The following MMS22L variants were observed in gnomAD, a reference collection of about 807,000 sequenced individuals.
MMS22L encodes MMS22 like, DNA repair protein.
MMS22L carries 74 observed loss-of-function variants against 159.1 expected under a neutral mutation model. The observed-to-expected ratio is 0.47, with a 90% CI of 0.39 to 0.56. The LOEUF is 0.56. Among genes scored for constraint, MMS22L ranks in the 20% least tolerant of loss-of-function variants. The probability of loss-of-function intolerance (pLI) is 0.00; values close to 1 mark genes in which losing one functional copy is unlikely to be tolerated. For missense variants in MMS22L, 1,351 were observed against 1,422.1 expected (o/e 0.95, Z 0.80); for synonymous variants, 517 against 506.9 (o/e 1.02, Z -0.27).
At chr6:97,192,519 C>G (rs907322990) in intron 14 of MMS22L, among the ~76,000 whole-genome samples, 2 of 152,084 alleles carry the variant, frequency 1.3e-5, no homozygotes, top group Non-Finnish European at 2.9e-5. Context: ...GTAGACAAGG[C>G]AAAATAATAT....
intron 18 of MMS22L, among the ~76,000 whole-genome samples, chr6:97,177,514 G>C (rs1804247106): frequency 1.3e-5 from 2 of 152,124 alleles, no homozygotes; most frequent in South Asian, 2.1e-4. Context: ...ATTTGGGCTA[G>C]ATGAAAACTA....
intron 9 of MMS22L, chr6:97,258,953 G>A (rs1389554877): frequency 2.2e-4 from 33 of 152,052 alleles, no homozygotes. Context: ...TTTAATTTTA[G>A]GGCATGTGGA....
intron 3 of MMS22L, among the ~76,000 whole-genome samples, chr6:97,280,202 G>C (rs940371395): frequency 6.6e-6 from 1 of 152,126 alleles, no homozygotes; most frequent in Non-Finnish European, 1.5e-5. Context: ...TCCTTTAAAT[G>C]TATCACATAT....
At position 97,229,295 on chromosome 6, in the gene MMS22L, A is replaced by G; in HGVS notation, c.1638T>C (p.Asp546=). 1 of 1,614,166 alleles carries G rather than the reference A, an allele frequency of 6.2e-7. No homozygotes were observed. Among genetic ancestry groups the G allele is most frequent in the Non-Finnish European group, 8.5e-7 (1 of 1,180,008 alleles). ...GGAGGTCTAAAACATGACTTGCAAC[A>G]TCTTCTACCTCTGCAACAGCTGCTA... ...LLLAAVAEVE[D]VASHVLDLLN... Residue 546 remains aspartate (D), a synonymous_variant, in exon 14 of 25, where the codon GAT becomes GAC. Coordinates refer to ENST00000683635, the MANE Select transcript of MMS22L (RefSeq NM_001350599.2).
At chr6:97,230,757 TA>T (rs1810770641) in intron 13 of MMS22L, 1 of 152,174 alleles carries the variant, frequency 6.6e-6, no homozygotes, top group African/African-American at 2.4e-5. Context: ...AGCTGGCATT[TA>T]AAACAGTATA....
At position 97,252,966 on chromosome 6, in the gene MMS22L, T is replaced by C. The variant is rs74801392; in HGVS notation, c.1119+1591A>G. Among the ~76,000 whole-genome samples the C allele has an allele frequency of 3.9e-5, 6 of 152,192 alleles. No individual in the cohort carries two copies. The East Asian group carries it at 5.8e-4, about 15-fold the overall frequency. On this transcript the variant is annotated intron_variant, in intron 10 of 24. Coordinates refer to ENST00000683635, the MANE Select transcript of MMS22L (RefSeq NM_001350599.2). Reference sequence around the variant, plus strand: ...AATAAAAGCACTACTATAGTAATAATGGCAATTGCTAAAATTTATTATTTA... The same window carrying C: ...AATAAAAGCACTACTATAGTAATAACGGCAATTGCTAAAATTTATTATTTA...
At position 97,146,672 on chromosome 6, in the gene MMS22L, G is replaced by A. The variant is rs957692197; in HGVS notation, c.*134C>T. On this transcript the variant is annotated 3_prime_UTR_variant, in exon 25 of 25. Coordinates refer to ENST00000683635, the MANE Select transcript of MMS22L (RefSeq NM_001350599.2). ...CTTATTTATACATTTTTTACTTACA[G>A]ATATAAAAGGAAAAAAAATCCTAGA... 1.5e-5 allele frequency: 8 copies of A among 528,676 alleles called. No homozygotes were observed. In the Admixed American group the frequency reaches 3.2e-4, roughly 21 times the overall value. 32.7% of individuals were successfully genotyped at this position (528,676 alleles called of 1,614,324 possible).
chr6:97,167,032 C>T (rs185117881), intron 20 of MMS22L, among the ~76,000 whole-genome samples: 3 of 152,242 alleles, frequency 2.0e-5, no homozygotes, highest in Admixed American at 1.3e-4. Flanking sequence ...AATCCATTTT[C>T]CCTTTCCTCC....
At chr6:97,153,135 C>G (rs541822959) in intron 22 of MMS22L, among the ~76,000 whole-genome samples, 5 of 151,970 alleles carry the variant, frequency 3.3e-5, no homozygotes, top group Non-Finnish European at 5.9e-5. Context: ...AGCCACCACA[C>G]CTGGCCTTTT....
At chr6:97,219,136 C>A (rs964888998) in intron 14 of MMS22L, among the ~76,000 whole-genome samples, 1 of 152,110 alleles carries the variant, frequency 6.6e-6, no homozygotes, top group African/African-American at 2.4e-5. Context: ...GTGGGGATTA[C>A]AATTTGAGAT....
chr6:97,208,367 C>T (rs1230285779), intron 14 of MMS22L, among the ~76,000 whole-genome samples: 2 of 152,058 alleles, frequency 1.3e-5, no homozygotes, highest in Non-Finnish European at 2.9e-5. Context: ...ATTCAACAGA[C>T]ACGTCATGCA....
chr6:97,274,491 T>C (rs1816061074), intron 4 of MMS22L, among the ~76,000 whole-genome samples: 1 of 151,972 alleles, frequency 6.6e-6, no homozygotes, highest in South Asian at 2.1e-4. Context: ...ACCATAAAAA[T>C]TACGTCAAGC....
intron 6 of MMS22L, chr6:97,270,225 C>A (rs1815580526): frequency 8.3e-6 from 5 of 605,212 alleles, no homozygotes; most frequent in Admixed American, 6.9e-5. Context: ...CACCTTGGGG[C>A]TGCTGAATAG....
intron 10 of MMS22L, 176 bp downstream of exon 10, chr6:97,254,381 T>C (rs1813557202): frequency 6.7e-6 from 4 of 597,752 alleles, no homozygotes; most frequent in Non-Finnish European, 1.1e-5. Context: ...AATTAAACAA[T>C]TAAAACATAA....
At chr6:97,258,504 T>TGC (rs778854869) in intron 9 of MMS22L, among the ~76,000 whole-genome samples, 10 of 152,178 alleles carry the variant, frequency 6.6e-5, no homozygotes, top group Non-Finnish European at 1.3e-4. Context: ...AATGGAGGTA[T>TGC]GCACACACAC....
Position 97,264,365 on chromosome 6 carries a change from CCTTT to C in MMS22L, c.829-921_829-918del, listed in dbSNP as rs1236732256. 6 of 151,206 alleles carry C rather than the reference CCTTT, an allele frequency of 4.0e-5. No homozygotes were observed. In the South Asian group the frequency reaches 1.2e-3, roughly 31 times the overall value. The allele number at this position is 151,206 out of a possible 1,614,324, so 9.4% of individuals were successfully genotyped here. ...GATTCAGTAATTTCTAAATTATCTA[CCTTT>C]TTTTAATAAAAAAATCCTCAGCAGC... On this transcript the variant is annotated intron_variant, in intron 8 of 24. Coordinates refer to ENST00000683635, the MANE Select transcript of MMS22L (RefSeq NM_001350599.2).
In MMS22L at chr6:97,268,219, C is replaced by G. The variant is rs541119867; in HGVS notation, c.698-217G>C. On this transcript the variant is annotated intron_variant, in intron 7 of 24. Transcript: ENST00000683635. ...TTTTTTTTTTTTTGAGGCGAGGTCT[C>G]TGTCACCCAGGCTGGAGTGCAGTGA... Among the ~76,000 whole-genome samples, 5 of 146,770 alleles carry G rather than the reference C, an allele frequency of 3.4e-5. No homozygotes were observed. The East Asian group carries it at 9.9e-4, about 29-fold the overall frequency.
At chr6:97,256,948 T>TAA (rs938654143) in intron 9 of MMS22L, among the ~76,000 whole-genome samples, 1 of 152,114 alleles carries the variant, frequency 6.6e-6, no homozygotes, top group African/African-American at 2.4e-5. Context: ...CCTTCTCTCT[T>TAA]AAAAAAATAA....
At chr6:97,175,502 A>G (rs1804025451) in intron 18 of MMS22L, among the ~76,000 whole-genome samples, 1 of 152,322 alleles carries the variant, frequency 6.6e-6, no homozygotes, top group East Asian at 1.9e-4. Context: ...GTCAATAAAC[A>G]TTTTATATTC....
Sources: allele counts gnomAD v4.1 joint callset (sites outside exome capture counted in the v4.1 genomes callset), GRCh38; gene constraint gnomAD v4.1.1; transcripts MANE v1.5; gene names NCBI Gene and HGNC (gene_info 2026-07-23, HGNC 2026-07-21).